MAP4K3: variants seen among roughly 807,000 people sequenced by gnomAD.
MAP4K3 encodes mitogen-activated protein kinase kinase kinase kinase 3, also known as MAPK/ERK kinase kinase kinase 3.
MAP4K3 carries 94 observed loss-of-function variants against 143.5 expected under a neutral mutation model. The observed-to-expected ratio is 0.65, with a 90% confidence interval of 0.55 to 0.78. The LOEUF is 0.78. Among genes scored for constraint, MAP4K3 ranks in the 30% least tolerant of loss-of-function variants. The pLI, the probability that MAP4K3 is intolerant of heterozygous loss-of-function variation, is 0.00. For synonymous variants in MAP4K3, 416 were observed against 347.2 expected, an observed-to-expected ratio of 1.20 and a Z score of -2.20; for missense variants, 1,077 against 1,068.1, an observed-to-expected ratio of 1.01 and a Z score of -0.12.
intron 12 of MAP4K3, among the ~76,000 whole-genome samples, chr2:39,317,946 C>T (rs546545621): frequency 1.1e-4 from 16 of 152,180 alleles, no homozygotes; most frequent in African/African-American, 1.4e-4. Flanking sequence ...AAAACATGCA[C>T]GTTATGTTCA....
chr2:39,254,695 T>C (rs779949416), intron 31 of MAP4K3, among the ~76,000 whole-genome samples, 175 bp from the exon 32 acceptor site: 2 of 152,218 alleles, frequency 1.3e-5, no homozygotes, highest in Non-Finnish European at 2.9e-5. Context: ...ATACAGAGCT[T>C]ATGCATCTTT....
At chr2:39,427,591 G>A (rs1044549619) in intron 1 of MAP4K3, among the ~76,000 whole-genome samples, 2 of 152,144 alleles carry the variant, frequency 1.3e-5, no homozygotes, top group Non-Finnish European at 2.9e-5. Context: ...TGACCAGAAA[G>A]AGAACAGAGA....
chr2:39,432,308 G>C (rs1665316274), intron 1 of MAP4K3, among the ~76,000 whole-genome samples: 1 of 152,170 alleles, frequency 6.6e-6, no homozygotes, highest in African/African-American at 2.4e-5. Context: ...TAGGTAATCA[G>C]ATCTGCATCA....
At chr2:39,260,272 C>A (rs1031594983) in intron 29 of MAP4K3, among the ~76,000 whole-genome samples, 9 of 151,756 alleles carry the variant, frequency 5.9e-5, no homozygotes, top group Non-Finnish European at 1.3e-4. Flanking sequence ...CACCACCATG[C>A]CCAGCTAACT....
chr2:39,315,232 T>A (rs987378767), intron 13 of MAP4K3, 78 bp downstream of exon 13: 15 of 1,028,706 alleles, frequency 1.5e-5, no homozygotes, highest in Non-Finnish European at 2.1e-5. Context: ...CAGAAGGAAA[T>A]AAAACAAAAA....
At chr2:39,297,016 T>C (rs2148485301) in intron 16 of MAP4K3, among the ~76,000 whole-genome samples, 1 of 152,354 alleles carries the variant, frequency 6.6e-6, no homozygotes, top group South Asian at 2.1e-4. Context: ...CCAGGAATTG[T>C]GTAATTCAAT....
chr2:39,311,772 G>A lies in MAP4K3; in HGVS notation c.998-2253C>T, dbSNP rs80019960. ...GCTGATATCCTGTGTGCAACTTTAT[G>A]AGACCTTGAGCCAGAATCACTCAGC... On this transcript the variant is annotated intron_variant, in intron 13 of 33. Transcript: ENST00000263881. 3.3e-4 allele frequency among the ~76,000 whole-genome samples: 50 copies of A among 152,322 alleles called. No individual in the cohort carries two copies. The Middle Eastern group carries it at 0.014, about 41-fold the overall frequency.
At chr2:39,309,879 T>G (rs1003781790) in intron 13 of MAP4K3, among the ~76,000 whole-genome samples, 1 of 152,072 alleles carries the variant, frequency 6.6e-6, no homozygotes, top group Non-Finnish European at 1.5e-5. Context: ...GTTTTTATAT[T>G]CTTAATGATA....
chr2:39,371,767 G>T (rs1666086013), intron 2 of MAP4K3, among the ~76,000 whole-genome samples: 1 of 151,786 alleles, frequency 6.6e-6, no homozygotes, highest in African/African-American at 2.4e-5. Context: ...AATAGAAACT[G>T]TTAAGAAGAG....
At chr2:39,306,184 T>C (rs948976727) in intron 15 of MAP4K3, among the ~76,000 whole-genome samples, 6 of 152,238 alleles carry the variant, frequency 3.9e-5, no homozygotes, top group Admixed American at 3.9e-4. Context: ...CTTTTCTACA[T>C]GGAGGATATT....
chr2:39,427,047 G>A (rs1391464097), intron 1 of MAP4K3, among the ~76,000 whole-genome samples: 2 of 151,644 alleles, frequency 1.3e-5, no homozygotes, highest in Non-Finnish European at 2.9e-5. Context: ...CAGAATCAAA[G>A]AAAAAAATCT....
chr2:39,363,274 A>C (rs1397340604), intron 2 of MAP4K3, among the ~76,000 whole-genome samples: 1 of 152,230 alleles, frequency 6.6e-6, no homozygotes, highest in Non-Finnish European at 1.5e-5. Context: ...CTACCTATGG[A>C]ATGTAAGAAA....
Position 39,265,316 on chromosome 2 carries a change from CA to C in MAP4K3, c.2033-11del. 1.3e-6 allele frequency: 2 copies of C among 1,510,982 alleles called. No homozygotes were observed. Among genetic ancestry groups the C allele is most frequent in the Non-Finnish European group, 1.8e-6 (2 of 1,087,976 alleles). 93.6% of individuals were successfully genotyped at this position (1,510,982 alleles called of 1,614,324 possible). On this transcript the variant is annotated splice_polypyrimidine_tract_variant and intron_variant, in intron 27 of 33. Transcript: ENST00000263881. ...GTGTAAGGATTTCTTACTGTCAAAG[CA>C]AAAATATAAATGAGTTCTCTTATAA... is the stretch of plus-strand genomic sequence containing the variant.
intron 33 of MAP4K3, among the ~76,000 whole-genome samples, chr2:39,250,992 T>C (rs985553608): frequency 2.0e-5 from 3 of 152,288 alleles, no homozygotes; most frequent in African/African-American, 7.2e-5. Context: ...TTATTACAAG[T>C]TCTAAAAACG....
intron 2 of MAP4K3, among the ~76,000 whole-genome samples, chr2:39,362,141 A>G (rs965966600): frequency 1.3e-5 from 2 of 152,146 alleles, no homozygotes; most frequent in Non-Finnish European, 2.9e-5. Context: ...TTTCTACTAG[A>G]TATTATTTTG....
At chr2:39,431,501 A>G (rs1234256657) in intron 1 of MAP4K3, among the ~76,000 whole-genome samples, 1 of 152,162 alleles carries the variant, frequency 6.6e-6, no homozygotes, top group Non-Finnish European at 1.5e-5. Flanking sequence ...CCATCCCTGA[A>G]CTGTATCCCT....
chr2:39,282,500 A>G lies in MAP4K3; in HGVS notation c.1629+13T>C. On this transcript the variant is annotated intron_variant, in intron 22 of 33. Transcript: ENST00000263881. Reference sequence around the variant, plus strand: ...TAGCTTGAAACTTAGCCTACTCCATATTTAGTACTTACATGCACTTTAGGT... The same window carrying G: ...TAGCTTGAAACTTAGCCTACTCCATGTTTAGTACTTACATGCACTTTAGGT... 3 of 1,606,258 alleles carry G rather than the reference A, an allele frequency of 1.9e-6. No individual in the cohort carries two copies. Among genetic ancestry groups the G allele is most frequent in the Non-Finnish European group, 1.7e-6 (2 of 1,174,342 alleles).
chr2:39,268,067 T>C (rs1680839929), intron 26 of MAP4K3, among the ~76,000 whole-genome samples: 1 of 152,214 alleles, frequency 6.6e-6, no homozygotes, highest in Admixed American at 6.5e-5. Context: ...AAGAATTTCT[T>C]TTTTAGAAAT....
At chr2:39,352,856 C>T (rs1173799573) in intron 3 of MAP4K3, among the ~76,000 whole-genome samples, 2 of 152,156 alleles carry the variant, frequency 1.3e-5, no homozygotes, top group African/African-American at 4.8e-5. Flanking sequence ...ACTACATTTG[C>T]TCAGTTTTCT....
Sources: gnomAD v4.1 joint callset for allele counts (sites outside exome capture counted in the v4.1 genomes callset) on GRCh38, gnomAD v4.1.1 for gene constraint, MANE v1.5 for transcripts, NCBI Gene and HGNC (gene_info 2026-07-23, HGNC 2026-07-21) for gene names.